LRRC69: variants seen among roughly 807,000 people sequenced by gnomAD.
LRRC69 encodes leucine rich repeat containing 69.
LRRC69 carries 42 observed loss-of-function variants against 37.8 expected under a neutral mutation model. The ratio of observed to expected loss-of-function variants is 1.11; its 90% CI spans 0.87 to 1.44. The LOEUF is 1.44. Ranked by LOEUF, LRRC69 falls within the 40% of genes most tolerant of loss-of-function variation. The pLI, the probability that LRRC69 is intolerant of heterozygous loss-of-function variation, is 0.00. For synonymous variants in LRRC69, 141 were observed against 143.1 expected (o/e 0.99, Z 0.11); for missense variants, 357 against 401.9 (o/e 0.89, Z 0.96).
chr8:91,135,838 A>G, intron 5 of LRRC69, 99 bp downstream of exon 5: 1 of 558,580 alleles, frequency 1.8e-6, no homozygotes, highest in Non-Finnish European at 2.9e-6. Context: ...GTAGTAATTG[A>G]AACCTTAAAT....
At chr8:91,158,961 A>G (rs1274108442) in intron 5 of LRRC69, among the ~76,000 whole-genome samples, 1 of 151,212 alleles carries the variant, frequency 6.6e-6, no homozygotes, top group Non-Finnish European at 1.5e-5. Context: ...TACATGACTG[A>G]CACTTGTACA....
chr8:91,132,693 C>G (rs567917377), intron 3 of LRRC69, among the ~76,000 whole-genome samples: 35 of 152,076 alleles, frequency 2.3e-4, no homozygotes, highest in African/African-American at 7.7e-4. Context: ...TTGAGCAGTA[C>G]TCATATCTAT....
chr8:91,153,839 G>T (rs200045695), intron 5 of LRRC69, among the ~76,000 whole-genome samples: 1 of 151,406 alleles, frequency 6.6e-6, no homozygotes, highest in African/African-American at 2.4e-5. Context: ...CAAAAGCTAG[G>T]AGAAGACAGG....
intron 5 of LRRC69, chr8:91,157,785 C>T (rs1808862651): frequency 6.2e-7 from 1 of 1,607,424 alleles, no homozygotes; most frequent in African/African-American, 1.3e-5. Context: ...TATATCGCAG[C>T]AGTGGAAGTG....
chr8:91,200,566 T>C (rs1809694023), intron 6 of LRRC69, 47 bp from the exon 7 acceptor site: 3 of 1,191,630 alleles, frequency 2.5e-6, no homozygotes, highest in South Asian at 2.0e-5. Flanking sequence ...TAATGTAAAA[T>C]AGTTTTGAAA....
At chr8:91,166,919 TA>T (rs1809040565) in intron 5 of LRRC69, among the ~76,000 whole-genome samples, 1 of 151,898 alleles carries the variant, frequency 6.6e-6, no homozygotes, top group East Asian at 1.9e-4. Context: ...CAGAGCTGGT[TA>T]TAGATTCTGT....
At chr8:91,174,666 G>T (rs1809192921) in intron 5 of LRRC69, among the ~76,000 whole-genome samples, 2 of 152,198 alleles carry the variant, frequency 1.3e-5, no homozygotes, top group South Asian at 4.1e-4. Flanking sequence ...TTTTAAAATG[G>T]AATTCCTTAG....
chr8:91,143,402 T>TA (rs1306187943), intron 5 of LRRC69, among the ~76,000 whole-genome samples: 1 of 152,094 alleles, frequency 6.6e-6, no homozygotes, highest in Non-Finnish European at 1.5e-5. Context: ...GAAATGTGCT[T>TA]AAAAAGATGT....
At chr8:91,122,090 C>T (rs2130498592) in intron 1 of LRRC69, among the ~76,000 whole-genome samples, 1 of 152,092 alleles carries the variant, frequency 6.6e-6, no homozygotes, top group East Asian at 1.9e-4. Flanking sequence ...AAGAACTTAC[C>T]ACATAACATA....
chr8:91,216,158 A>T (rs150969267), intron 7 of LRRC69, among the ~76,000 whole-genome samples: 1 of 152,318 alleles, frequency 6.6e-6, no homozygotes, highest in East Asian at 1.9e-4. Flanking sequence ...CTATAAAACT[A>T]ACAACGGGCA....
chr8:91,191,816 T>A, intron 6 of LRRC69, among the ~76,000 whole-genome samples: 1 of 152,180 alleles, frequency 6.6e-6, no homozygotes, highest in East Asian at 1.9e-4. Context: ...TCAGAACTGT[T>A]GGGTCCAGGA....
chr8:91,149,679 A>G (rs987756464), intron 5 of LRRC69, among the ~76,000 whole-genome samples: 2 of 151,902 alleles, frequency 1.3e-5, no homozygotes, highest in African/African-American at 4.8e-5. Flanking sequence ...CTTGGGCAGT[A>G]TGGCCATTTT....
At chr8:91,214,990 A>G (rs1404342600) in intron 7 of LRRC69, among the ~76,000 whole-genome samples, 1 of 151,914 alleles carries the variant, frequency 6.6e-6, no homozygotes, top group Non-Finnish European at 1.5e-5. Context: ...TTCCATCTTC[A>G]AAGTCAGTAT....
intron 7 of LRRC69, among the ~76,000 whole-genome samples, chr8:91,211,619 T>TA (rs1554597829): frequency 4.8e-5 from 7 of 144,698 alleles, no homozygotes; most frequent in Non-Finnish European, 9.1e-5. Context: ...TATATATATT[T>TA]TTTTTTTATT....
At chr8:91,211,619 T>TTTTA (rs1554597828) in intron 7 of LRRC69, among the ~76,000 whole-genome samples, 2,733 of 144,660 alleles carry the variant, frequency 0.019, 83 homozygotes, top group African/African-American at 0.065. Flanking sequence ...TATATATATT[T>TTTTA]TTTTTTTATT....
intron 1 of LRRC69, among the ~76,000 whole-genome samples, chr8:91,120,657 G>A (rs979272057): frequency 1.3e-5 from 2 of 152,102 alleles, no homozygotes; most frequent in East Asian, 1.9e-4. Context: ...CAAGAAGGGC[G>A]CAGGAGAAAG....
At chr8:91,195,915 AG>A (rs1175794105) in intron 6 of LRRC69, among the ~76,000 whole-genome samples, 1 of 152,164 alleles carries the variant, frequency 6.6e-6, no homozygotes, top group Non-Finnish European at 1.5e-5. Flanking sequence ...TTTGCTCATT[AG>A]TTGATGCAGT....
intron 7 of LRRC69, among the ~76,000 whole-genome samples, chr8:91,209,061 A>AAAAATC (rs1809857406): frequency 6.6e-6 from 1 of 152,186 alleles, no homozygotes; most frequent in South Asian, 2.1e-4. Flanking sequence ...AACAGCACTG[A>AAAAATC]AAAATCAAAA....
At chr8:91,183,830 C>T (rs1446720992) in intron 5 of LRRC69, among the ~76,000 whole-genome samples, 1 of 152,132 alleles carries the variant, frequency 6.6e-6, no homozygotes, top group Admixed American at 6.5e-5. Context: ...TGTGACTCTG[C>T]AAACAGCACC....
Sources: allele counts gnomAD v4.1 joint callset (sites outside exome capture counted in the v4.1 genomes callset), GRCh38; gene constraint gnomAD v4.1.1; transcripts MANE v1.5; gene names NCBI Gene and HGNC (gene_info 2026-07-23, HGNC 2026-07-21).